GPD2: variants seen among roughly 807,000 people sequenced by gnomAD.
The protein encoded by GPD2 is glycerol-3-phosphate dehydrogenase, mitochondrial.
In GPD2, 54 loss-of-function variants were observed where a neutral mutation model predicts 82.4. The ratio of observed to expected loss-of-function variants is 0.66; its 90% CI spans 0.53 to 0.82. The LOEUF (loss-of-function observed/expected upper bound fraction) is 0.82, where lower values mean the gene tolerates loss of function less well. Ranked by LOEUF, GPD2 falls within the 40% of genes least tolerant of loss-of-function variation. The pLI is 0.00. For missense variants in GPD2, 748 were observed against 896.2 expected, an observed-to-expected ratio of 0.83 and a Z score of 2.11; for synonymous variants, 288 against 306.1, an observed-to-expected ratio of 0.94 and a Z score of 0.62.
At chr2:156,578,222 C>T (rs1229548788) in intron 13 of GPD2, among the ~76,000 whole-genome samples, 1 of 152,154 alleles carries the variant, frequency 6.6e-6, no homozygotes, top group South Asian at 2.1e-4. Flanking sequence ...CTTATTTCTT[C>T]TCATGACTCT....
chr2:156,497,775 A>C (rs1684438226), intron 3 of GPD2, among the ~76,000 whole-genome samples: 1 of 152,212 alleles, frequency 6.6e-6, no homozygotes, highest in Non-Finnish European at 1.5e-5. Context: ...TTCAAAATAC[A>C]GGCACAGGAA....
At chr2:156,465,112 G>C (rs1272589591) in intron 1 of GPD2, among the ~76,000 whole-genome samples, 1 of 152,086 alleles carries the variant, frequency 6.6e-6, no homozygotes, top group Non-Finnish European at 1.5e-5. Flanking sequence ...CGGCCTCCCA[G>C]AGTGCTGGGA....
intron 6 of GPD2, among the ~76,000 whole-genome samples, chr2:156,533,373 T>C (rs796849959): frequency 5.9e-5 from 9 of 152,306 alleles, no homozygotes; most frequent in African/African-American, 1.9e-4. Context: ...TTGACAGCAG[T>C]ATTTGAATTC....
At chr2:156,580,016 T>G (rs1687972594) in intron 16 of GPD2, among the ~76,000 whole-genome samples, 2 of 152,214 alleles carry the variant, frequency 1.3e-5, no homozygotes, top group Non-Finnish European at 1.5e-5. Flanking sequence ...TCCATTATGT[T>G]GGGCAATTTA....
At chr2:156,412,205 G>A in the GPD2 span, among the ~76,000 whole-genome samples, 1 of 152,156 alleles carries the variant, frequency 6.6e-6, no homozygotes, top group Non-Finnish European at 1.5e-5. Context: ...GGAGGCTAAG[G>A]TGGGTGGATC....
chr2:156,510,768 A>AAG, intron 3 of GPD2, 28 bp from the exon 4 acceptor site: 2 of 1,591,474 alleles, frequency 1.3e-6, no homozygotes, highest in Non-Finnish European at 1.7e-6. Context: ...GTAATTTAAG[A>AAG]AGTTAATTTG....
chr2:156,493,632 T>G (rs964615978), intron 2 of GPD2, among the ~76,000 whole-genome samples: 3 of 152,140 alleles, frequency 2.0e-5, no homozygotes, highest in African/African-American at 7.2e-5. Context: ...TAGAGGACTT[T>G]TAGTATTACC....
At chr2:156,575,658 A>G (rs1237142109) in intron 13 of GPD2, among the ~76,000 whole-genome samples, 1 of 152,020 alleles carries the variant, frequency 6.6e-6, no homozygotes, top group Non-Finnish European at 1.5e-5. Context: ...CACCTGCCTC[A>G]GCCTCCCAAA....
At chr2:156,428,264 G>A in the GPD2 span, among the ~76,000 whole-genome samples, 1 of 152,146 alleles carries the variant, frequency 6.6e-6, no homozygotes, top group Non-Finnish European at 1.5e-5. Context: ...GACCCAAAAG[G>A]ACACCCTATG....
chr2:156,558,847 A>AC (rs1416392485), intron 9 of GPD2, among the ~76,000 whole-genome samples: 19 of 132,002 alleles, frequency 1.4e-4, no homozygotes, highest in African/African-American at 2.1e-4. Flanking sequence ...CAAACTCCTG[A>AC]CCTCATGATC....
At chr2:156,549,875 G>T (rs1364140189) in intron 7 of GPD2, 103 bp downstream of exon 7, 3 of 858,820 alleles carry the variant, frequency 3.5e-6, no homozygotes, top group African/African-American at 1.7e-5. Context: ...TTTATGCCAC[G>T]CTTCAGAGTC....
Position 156,514,744 on chromosome 2 carries a change from A to G in GPD2, c.661+1248A>G, listed in dbSNP as rs141816182. ...TTAAAAGCTAGAAAATTCACAGTTT[A>G]CAGTGCTTCCGAGCATCTGAACACC... On this transcript the variant is annotated intron_variant, in intron 6 of 16. Coordinates refer to ENST00000438166, the MANE Select transcript of GPD2 (RefSeq NM_000408.5). Among the ~76,000 whole-genome samples, 103 of 152,352 alleles carry G rather than the reference A, an allele frequency of 6.8e-4. 1 individual carries two copies. Among genetic ancestry groups the G allele is most frequent in the Admixed American group, 2.2e-3 (33 of 15,298 alleles).
At chr2:156,532,241 A>G (rs1685894127) in intron 6 of GPD2, among the ~76,000 whole-genome samples, 1 of 152,176 alleles carries the variant, frequency 6.6e-6, no homozygotes, top group Admixed American at 6.5e-5. Flanking sequence ...ACCTGGCTTC[A>G]AGTTGTCCTC....
At chr2:156,463,682 C>T (rs4664207) in intron 1 of GPD2, among the ~76,000 whole-genome samples, 43,778 of 152,072 alleles carry the variant, frequency 0.29, 7,009 homozygotes, top group East Asian at 0.57. Flanking sequence ...TCTTTCCTTC[C>T]AGAATACCCC....
At chr2:156,545,250 G>T (rs1686486318) in intron 6 of GPD2, among the ~76,000 whole-genome samples, 1 of 152,168 alleles carries the variant, frequency 6.6e-6, no homozygotes, top group Non-Finnish European at 1.5e-5. Context: ...GCTTGAGTTT[G>T]GTAGGTGAGG....
At chr2:156,482,473 G>T (rs1472573459) in intron 2 of GPD2, among the ~76,000 whole-genome samples, 3 of 151,888 alleles carry the variant, frequency 2.0e-5, no homozygotes, top group African/African-American at 7.3e-5. Flanking sequence ...TAGTTCCTTT[G>T]ATAAATTAAT....
intron 9 of GPD2, among the ~76,000 whole-genome samples, chr2:156,561,499 G>A (rs904769040): frequency 6.6e-6 from 1 of 152,112 alleles, no homozygotes; most frequent in African/African-American, 2.4e-5. Flanking sequence ...GGAGTGGTAA[G>A]CTTATCAATT....
At position 156,570,336 on chromosome 2, in the gene GPD2, C is replaced by G. The variant is rs17847137; in HGVS notation, c.1608+118C>G. On this transcript the variant is annotated intron_variant, in intron 12 of 16. Coordinates refer to ENST00000438166, the MANE Select transcript of GPD2 (RefSeq NM_000408.5). Reference sequence around the variant, plus strand: ...TTTAATGCACATATGTCAGCTAAAACCAGGACTACTATGTCTTTCCAATAT... The same window carrying G: ...TTTAATGCACATATGTCAGCTAAAAGCAGGACTACTATGTCTTTCCAATAT... 17 of 865,530 alleles carry G rather than the reference C, an allele frequency of 2.0e-5. No individual in the cohort carries two copies. In the African/African-American group the frequency reaches 2.5e-4, roughly 13 times the overall value. 53.6% of individuals were successfully genotyped at this position (865,530 alleles called of 1,614,324 possible). A position where few individuals can be genotyped will look rare whatever the true frequency, so the allele number is the denominator to read the frequency against.
intron 8 of GPD2, among the ~76,000 whole-genome samples, chr2:156,554,993 GA>G (rs1686907341): frequency 6.6e-6 from 1 of 152,094 alleles, no homozygotes; most frequent in African/African-American, 2.4e-5. Context: ...CATATATATT[GA>G]AAAAAGACCT....
Sources: allele counts gnomAD v4.1 joint callset (sites outside exome capture counted in the v4.1 genomes callset), GRCh38; gene constraint gnomAD v4.1.1; transcripts MANE v1.5; gene names NCBI Gene and HGNC (gene_info 2026-07-23, HGNC 2026-07-21).